FSTL4: variants seen among roughly 807,000 people sequenced by gnomAD.
FSTL4 encodes the protein follistatin like 4.
Under a neutral mutation model 78.2 loss-of-function variants are expected in FSTL4, and 28 were observed. The ratio of observed to expected loss-of-function variants is 0.36; its 90% confidence interval spans 0.27 to 0.49. The LOEUF (loss-of-function observed/expected upper bound fraction) is 0.49, where lower values mean the gene tolerates loss of function less well. FSTL4 is among the 20% of genes least tolerant of loss of function. The pLI is 0.98. For missense variants in FSTL4, 922 were observed against 1,084.9 expected, an observed-to-expected ratio of 0.85 and a Z score of 2.11; for synonymous variants, 422 against 440.5, an observed-to-expected ratio of 0.96 and a Z score of 0.53.
chr5:133,405,117 T>A (rs774237608), intron 3 of FSTL4, among the ~76,000 whole-genome samples: 4 of 152,208 alleles, frequency 2.6e-5, no homozygotes, highest in Non-Finnish European at 5.9e-5. Context: ...CCTGCTCCCA[T>A]CTCAGCCAGA....
At chr5:133,264,262 C>T (rs1561648938) in intron 6 of FSTL4, among the ~76,000 whole-genome samples, 1 of 152,166 alleles carries the variant, frequency 6.6e-6, no homozygotes, top group Non-Finnish European at 1.5e-5. Context: ...AAAAATGTGA[C>T]TTGCACACCC....
intron 4 of FSTL4, among the ~76,000 whole-genome samples, chr5:133,332,492 C>T (rs1025166078): frequency 3.3e-5 from 5 of 152,170 alleles, no homozygotes; most frequent in Non-Finnish European, 5.9e-5. Flanking sequence ...CACCTGGGGC[C>T]GGAGAGGCGG....
intron 3 of FSTL4, among the ~76,000 whole-genome samples, chr5:133,552,928 T>C (rs531141625): frequency 2.0e-5 from 3 of 152,308 alleles, no homozygotes; most frequent in South Asian, 2.1e-4. Flanking sequence ...TGTGTGCAAG[T>C]CTTTTCTGGA....
At chr5:133,725,290 G>GA in the FSTL4 span, among the ~76,000 whole-genome samples, 1 of 152,124 alleles carries the variant, frequency 6.6e-6, no homozygotes, top group African/African-American at 2.4e-5. Context: ...GACTGTAGCA[G>GA]AAAAAAAGAT....
chr5:133,236,585 G>A lies in FSTL4; in HGVS notation c.895-3048C>T, dbSNP rs909593646. ...GCTGCCACCTTCCTGGGTGATGCCA[G>A]GGACCCCGGCTTCCGGCCCACAGAC... On this transcript the variant is annotated intron_variant, in intron 7 of 15. Transcript: ENST00000265342. This position sits in a 1 kb window ranked among gnomAD's most constrained non-coding sequence, Gnocchi z 5.0. Among the ~76,000 whole-genome samples, 2 of 152,192 alleles carry A rather than the reference G, an allele frequency of 1.3e-5. No homozygotes were observed. Among genetic ancestry groups the A allele is most frequent in the African/African-American group, 4.8e-5 (2 of 41,454 alleles).
At chr5:133,427,265 G>C (rs534021314) in intron 3 of FSTL4, among the ~76,000 whole-genome samples, 137 of 152,328 alleles carry the variant, frequency 9.0e-4, no homozygotes, top group South Asian at 4.3e-3. Flanking sequence ...AGCACAGTGT[G>C]GGCCACCAGA....
chr5:133,438,769 T>C (rs1350551551), intron 3 of FSTL4, among the ~76,000 whole-genome samples: 1 of 152,118 alleles, frequency 6.6e-6, no homozygotes, highest in Non-Finnish European at 1.5e-5. Context: ...AGATATAAAT[T>C]TGATTTTGAG....
chr5:133,767,847 C>A, the FSTL4 span, among the ~76,000 whole-genome samples: 2 of 152,162 alleles, frequency 1.3e-5, no homozygotes, highest in Non-Finnish European at 2.9e-5. Flanking sequence ...TAGGGCTCTG[C>A]AGGGGTGCTG....
intron 2 of FSTL4, among the ~76,000 whole-genome samples, chr5:133,603,258 G>C (rs1760908269): frequency 6.6e-6 from 1 of 152,114 alleles, no homozygotes; most frequent in Non-Finnish European, 1.5e-5. Flanking sequence ...CATAAGACCA[G>C]GGTTCACTAA....
the FSTL4 span, among the ~76,000 whole-genome samples, chr5:133,762,514 T>C: frequency 2.6e-5 from 4 of 152,172 alleles, no homozygotes; most frequent in Admixed American, 2.0e-4. Flanking sequence ...TGTATATCAG[T>C]TGGAAAGCAC....
intron 4 of FSTL4, among the ~76,000 whole-genome samples, chr5:133,343,513 G>A (rs953453541): frequency 5.9e-5 from 9 of 152,234 alleles, no homozygotes; most frequent in African/African-American, 2.2e-4. Context: ...CCTGGGGCTT[G>A]AGAATCTTAG....
At chr5:133,643,707 G>C in the FSTL4 span, among the ~76,000 whole-genome samples, 1 of 151,830 alleles carries the variant, frequency 6.6e-6, no homozygotes, top group Non-Finnish European at 1.5e-5. Flanking sequence ...ATTAACAGAT[G>C]GTGCCCCGAT....
At chr5:133,336,167 C>T (rs1036235060) in intron 4 of FSTL4, among the ~76,000 whole-genome samples, 1 of 152,218 alleles carries the variant, frequency 6.6e-6, no homozygotes, top group African/African-American at 2.4e-5. Flanking sequence ...TTTTGAGGCC[C>T]TGGAACTGTC....
intron 3 of FSTL4, among the ~76,000 whole-genome samples, chr5:133,521,655 TTC>T: frequency 6.6e-6 from 1 of 152,230 alleles, no homozygotes; most frequent in East Asian, 1.9e-4. Context: ...TTATTTCCTT[TTC>T]TATTTTATTG....
intron 6 of FSTL4, among the ~76,000 whole-genome samples, chr5:133,261,765 C>T (rs1199837888): frequency 1.3e-5 from 2 of 151,992 alleles, no homozygotes; most frequent in African/African-American, 2.4e-5. Context: ...CTGAGGCAGG[C>T]GGATCACTTG....
At chr5:133,350,637 T>C (rs1305278000) in intron 4 of FSTL4, among the ~76,000 whole-genome samples, 2 of 152,240 alleles carry the variant, frequency 1.3e-5, no homozygotes, top group African/African-American at 2.4e-5. Flanking sequence ...AGTTTTGCTG[T>C]CTTTATGTAA....
chr5:133,305,909 G>A (rs1753644970), intron 6 of FSTL4, among the ~76,000 whole-genome samples: 1 of 152,164 alleles, frequency 6.6e-6, no homozygotes. Flanking sequence ...GACCGGGCCT[G>A]TCCCTCCCTG....
chr5:133,448,745 G>C (rs906951481), intron 3 of FSTL4, among the ~76,000 whole-genome samples: 1 of 148,580 alleles, frequency 6.7e-6, no homozygotes, highest in African/African-American at 2.5e-5. Context: ...GGGGCGGGGG[G>C]GGGGGGCGCT....
chr5:133,208,044 G>A (rs1436943890), intron 14 of FSTL4: 2 of 152,032 alleles, frequency 1.3e-5, no homozygotes, highest in Non-Finnish European at 1.5e-5. Flanking sequence ...GTCCTCACCT[G>A]GCACTTATTG....
Sources: allele counts gnomAD v4.1 joint callset (sites outside exome capture counted in the v4.1 genomes callset), GRCh38; gene constraint gnomAD v4.1.1; non-coding constraint Gnocchi (gnomAD v3.1); transcripts MANE v1.5; gene names NCBI Gene and HGNC (gene_info 2026-07-23, HGNC 2026-07-21).